The following ADORA2A variants were observed in gnomAD, a reference collection of about 807,000 sequenced individuals.
ADORA2A encodes adenosine receptor A2a.
ADORA2A carries 11 observed loss-of-function variants against 18.4 expected under a neutral mutation model. The observed-to-expected ratio is 0.60, with a 90% confidence interval of 0.38 to 0.99. ADORA2A has a LOEUF of 0.99. ADORA2A is among the 50% of genes least tolerant of loss of function. The probability of loss-of-function intolerance (pLI) is 0.01; values close to 1 mark genes in which losing one functional copy is unlikely to be tolerated. For missense variants in ADORA2A, 449 were observed against 556.1 expected, an observed-to-expected ratio of 0.81 and a Z score of 1.94; for synonymous variants, 218 against 237.3, an observed-to-expected ratio of 0.92 and a Z score of 0.75.
chr22:24,426,348 G>A (rs1162367859), upstream of ADORA2A, among the ~76,000 whole-genome samples: 2 of 152,236 alleles, frequency 1.3e-5, no homozygotes, highest in East Asian at 1.9e-4. Flanking sequence ...GACAGAAGAT[G>A]GATGGATGGA....
intron 1 of ADORA2A, chr22:24,432,106 A>C (rs2043052560): frequency 6.5e-6 from 1 of 153,870 alleles, no homozygotes; most frequent in Non-Finnish European, 1.4e-5. Flanking sequence ...CAGGCAGAGG[A>C]GCAGGTGGGG....
At chr22:24,428,303 C>G (rs1235980670) in intron 1 of ADORA2A, among the ~76,000 whole-genome samples, 3 of 152,220 alleles carry the variant, frequency 2.0e-5, no homozygotes, top group Non-Finnish European at 4.4e-5. Flanking sequence ...CTTCTCAGTC[C>G]ACCCCATGCC....
chr22:24,425,794 T>C (rs1157698237), upstream of ADORA2A, among the ~76,000 whole-genome samples: 2 of 152,284 alleles, frequency 1.3e-5, no homozygotes, highest in East Asian at 3.8e-4. Context: ...GTCTGGGTTC[T>C]GGTCTTGCCT....
At chr22:24,425,171 C>T (rs1434666543), upstream of ADORA2A, among the ~76,000 whole-genome samples, 1 of 151,968 alleles carries the variant, frequency 6.6e-6, no homozygotes, top group Admixed American at 6.5e-5. Flanking sequence ...CATGACGCGC[C>T]AGGGCTGCCC....
chr22:24,431,247 G>A, intron 1 of ADORA2A: 1 of 456,828 alleles, frequency 2.2e-6, no homozygotes, highest in South Asian at 1.5e-5. Flanking sequence ...CGTTGCTGCA[G>A]GGTTTCTGGC....
chr22:24,434,046 G>C (rs117285183), intron 2 of ADORA2A, among the ~76,000 whole-genome samples: 11 of 152,362 alleles, frequency 7.2e-5, no homozygotes, highest in Non-Finnish European at 1.5e-4. Context: ...CTGGCATTGG[G>C]CTTAGCAGGG....
Position 24,440,857 on chromosome 22 carries a change from G to A in ADORA2A, c.607G>A (p.Ala203Thr). 6.2e-7 allele frequency: 1 copy of A among 1,614,180 alleles called. No homozygotes were observed. Among genetic ancestry groups the A allele is most frequent in the Non-Finnish European group, 8.5e-7 (1 of 1,180,036 alleles). ...MLGVYLRIFL[A>T]ARRQLKQMES... The stretch of plus-strand genomic sequence containing the variant: ...GGGTGTCTATTTGCGGATCTTCCTG[G>A]CGGCGCGACGACAGCTGAAGCAGAT... The change falls in exon 3 of 3, where the codon GCG becomes ACG. Residue 203 changes from alanine to threonine, a missense_variant. By Grantham distance (58) the Ala-to-Thr change is moderately conservative. Transcript: ENST00000337539.
intron 1 of ADORA2A, chr22:24,431,128 C>G: frequency 4.4e-6 from 2 of 456,800 alleles, no homozygotes; most frequent in South Asian, 3.1e-5. Flanking sequence ...GAGAGCTGGT[C>G]TGGTGCATCC....
intron 2 of ADORA2A, among the ~76,000 whole-genome samples, chr22:24,436,557 G>A (rs2043183548): frequency 6.6e-6 from 1 of 152,228 alleles, no homozygotes; most frequent in Admixed American, 6.5e-5. Flanking sequence ...CCAGAGGATA[G>A]GGAATTCAGG....
At chr22:24,437,149 T>G (rs913544236) in intron 2 of ADORA2A, among the ~76,000 whole-genome samples, 4 of 152,020 alleles carry the variant, frequency 2.6e-5, no homozygotes, top group African/African-American at 9.7e-5. Flanking sequence ...GACCATAGGG[T>G]GAGCCCCCAG....
At chr22:24,436,353 T>C (rs1409883562) in intron 2 of ADORA2A, among the ~76,000 whole-genome samples, 2 of 152,316 alleles carry the variant, frequency 1.3e-5, no homozygotes, top group African/African-American at 4.8e-5. Context: ...GAAAGGTCCA[T>C]TCGGCTAGCC....
intron 2 of ADORA2A, among the ~76,000 whole-genome samples, chr22:24,435,917 T>C (rs994458242): frequency 3.3e-5 from 5 of 150,962 alleles, no homozygotes; most frequent in Admixed American, 6.6e-5. Context: ...ATGACGACGA[T>C]GATGTTCATC....
rs901086279 is a variant in ADORA2A, at chr22:24,433,158, G to A, written c.-247G>A. ...GCCTCAGGAACCCTGAAGCTGGGCT[G>A]AGCCATGATGCTGCTGCCAGAACCC... On this transcript the variant is annotated 5_prime_UTR_variant, in exon 2 of 3. Transcript: ENST00000337539. 5.2e-6 allele frequency: 3 copies of A among 581,596 alleles called. No homozygotes were observed. The highest frequency in any genetic ancestry group is 6.1e-6 in the Non-Finnish European group (2 of 325,860). The allele number at this position is 581,596 out of a possible 1,614,324, so 36.0% of individuals were successfully genotyped here.
At chr22:24,437,503 G>A (rs924962622) in intron 2 of ADORA2A, among the ~76,000 whole-genome samples, 1 of 152,026 alleles carries the variant, frequency 6.6e-6, no homozygotes, top group African/African-American at 2.4e-5. Context: ...AGCCTATGGA[G>A]ATTTCTTTTG....
At chr22:24,437,828 T>C (rs2043217058) in intron 2 of ADORA2A, among the ~76,000 whole-genome samples, 1 of 152,244 alleles carries the variant, frequency 6.6e-6, no homozygotes, top group South Asian at 2.1e-4. Flanking sequence ...AGACCAGGGA[T>C]TTCCATACTG....
In ADORA2A at chr22:24,441,179, A is replaced by G. The variant is rs1240519378; in HGVS notation, c.929A>G (p.Gln310Arg). Reference protein sequence around the residue: ...RKIIRSHVLRQQEPFKAAGTS... With the variant: ...RKIIRSHVLRRQEPFKAAGTS... Reference sequence around the variant, plus strand: ...ATCATTCGCAGCCACGTCCTGAGGCAGCAAGAACCTTTCAAGGCAGCTGGC... The same window carrying G: ...ATCATTCGCAGCCACGTCCTGAGGCGGCAAGAACCTTTCAAGGCAGCTGGC... Residue 310 changes from glutamine (Q) to arginine (R), a missense_variant, in exon 3 of 3, where the codon CAG becomes CGG. Transcript: ENST00000337539. 1 of 1,614,218 alleles carries G rather than the reference A, an allele frequency of 6.2e-7. No individual in the cohort carries two copies. The highest frequency in any genetic ancestry group is 1.7e-5 in the Admixed American group (1 of 60,036).
intron 1 of ADORA2A, among the ~76,000 whole-genome samples, chr22:24,428,693 T>C (rs946747679): frequency 1.3e-5 from 2 of 152,214 alleles, no homozygotes; most frequent in Non-Finnish European, 2.9e-5. Flanking sequence ...AGCCTTCATA[T>C]ACCTCTTGCG....
At chr22:24,434,391 G>C (rs1359424526) in intron 2 of ADORA2A, among the ~76,000 whole-genome samples, 1 of 152,266 alleles carries the variant, frequency 6.6e-6, no homozygotes, top group East Asian at 1.9e-4. Flanking sequence ...CTGGCTGTTG[G>C]AGGGGATTTT....
upstream of ADORA2A, chr22:24,423,908 C>T (rs1396637396): frequency 6.6e-6 from 1 of 151,614 alleles, no homozygotes; most frequent in Non-Finnish European, 1.5e-5. Context: ...CGGCCGGAGC[C>T]GGAGACCCAG....
Sources: gnomAD v4.1 joint callset for allele counts (sites outside exome capture counted in the v4.1 genomes callset) on GRCh38, gnomAD v4.1.1 for gene constraint, MANE v1.5 for transcripts, NCBI Gene and HGNC (gene_info 2026-07-23, HGNC 2026-07-21) for gene names.